Variants in CACHD1 observed in about 807,000 individuals in gnomAD.
CACHD1 encodes VWFA and cache domain-containing protein 1.
Under a neutral mutation model 138.7 loss-of-function variants are expected in CACHD1, and 71 were observed. That is an observed-to-expected ratio of 0.51 (90% CI 0.42 to 0.62). The LOEUF (loss-of-function observed/expected upper bound fraction) is 0.62. Ranked by LOEUF, CACHD1 falls within the 20% of genes least tolerant of loss-of-function variation. The pLI, the probability that CACHD1 is intolerant of heterozygous loss-of-function variation, is 0.00. For missense variants in CACHD1, 1,389 were observed against 1,625.3 expected (o/e 0.85, Z 2.50); for synonymous variants, 578 against 591.5 (o/e 0.98, Z 0.33).
chr1:64,508,857 G>T (rs1412619326), intron 1 of CACHD1, among the ~76,000 whole-genome samples: 1 of 152,064 alleles, frequency 6.6e-6, no homozygotes, highest in Non-Finnish European at 1.5e-5. Context: ...TGCCTCCCTA[G>T]TTCATCTTTT....
intron 1 of CACHD1, among the ~76,000 whole-genome samples, chr1:64,546,596 A>G (rs752860894): frequency 6.6e-6 from 1 of 152,052 alleles, no homozygotes; most frequent in Non-Finnish European, 1.5e-5. Context: ...CAGCCCCCCA[A>G]AATTCTGGGA....
rs567006297 is a variant in CACHD1, at chr1:64,649,281, C to T, written c.1390+1247C>T. Among the ~76,000 whole-genome samples the T allele has an allele frequency of 5.3e-5, 8 of 152,232 alleles. No homozygotes were observed. The South Asian group carries it at 1.2e-3, about 24-fold the overall frequency. On this transcript the variant is annotated intron_variant, in intron 9 of 26. Coordinates refer to ENST00000651257, the MANE Select transcript of CACHD1 (RefSeq NM_020925.4). ...GTGTGATCATAGTTCACTGCAGCCT[C>T]GACCTCCTGGCCTCAAGCAGTCCTC... is the stretch of plus-strand genomic sequence containing the variant.
At chr1:64,611,488 T>G (rs1292081396) in intron 4 of CACHD1, among the ~76,000 whole-genome samples, 3 of 152,252 alleles carry the variant, frequency 2.0e-5, no homozygotes, top group Non-Finnish European at 2.9e-5. Context: ...CATTGTTGCT[T>G]AGAAATTTCT....
At chr1:64,567,361 T>G (rs1396792244) in intron 2 of CACHD1, among the ~76,000 whole-genome samples, 1 of 152,106 alleles carries the variant, frequency 6.6e-6, no homozygotes, top group East Asian at 1.9e-4. Flanking sequence ...AAATTATGTA[T>G]GTGTCCCTAG....
chr1:64,570,414 AG>A (rs1281397384), intron 2 of CACHD1, among the ~76,000 whole-genome samples: 1 of 152,194 alleles, frequency 6.6e-6, no homozygotes, highest in African/African-American at 2.4e-5. Flanking sequence ...TCACTTAAGC[AG>A]CCATTAGTTT....
chr1:64,681,137 T>C lies in CACHD1; in HGVS notation c.3407-121T>C, dbSNP rs542102943. On this transcript the variant is annotated intron_variant, in intron 24 of 26. Transcript: ENST00000651257. The stretch of plus-strand genomic sequence containing the variant: ...GGCATCAGTTCATTCCCTTCTAAGA[T>C]GGGATTCATTCTTGATGGAATGCTG... 1.4e-4 allele frequency: 90 copies of C among 645,208 alleles called. No homozygotes were observed. The South Asian group carries it at 2.0e-3, about 14-fold the overall frequency. The allele number at this position is 645,208 out of a possible 1,614,324, so 40.0% of individuals were successfully genotyped here. A position where few individuals can be genotyped will look rare whatever the true frequency, so the allele number is the denominator to read the frequency against.
In CACHD1 at chr1:64,571,733, C is replaced by T. The variant is rs541537046; in HGVS notation, c.262-10423C>T. Among the ~76,000 whole-genome samples the T allele has an allele frequency of 5.1e-4, 78 of 152,290 alleles. 1 individual carries two copies. Among genetic ancestry groups the T allele is most frequent in the East Asian group, 1.9e-4 (1 of 5,184 alleles). ...CATGCTGTGGTCAGTTATCCTCTAACGGGAGGCTAGGTCAGGTTTCGTCCT... is the reference window on the plus strand; with the variant it reads ...CATGCTGTGGTCAGTTATCCTCTAATGGGAGGCTAGGTCAGGTTTCGTCCT... On this transcript the variant is annotated intron_variant, in intron 2 of 26. Transcript: ENST00000651257.
rs556677574 is a variant in CACHD1 at position 64,544,934 on chromosome 1, T to G, written c.199-5660T>G. Among the ~76,000 whole-genome samples, 19 of 152,250 alleles carry G rather than the reference T, an allele frequency of 1.2e-4. 1 individual carries two copies. The South Asian group carries it at 3.9e-3, about 32-fold the overall frequency. On this transcript the variant is annotated intron_variant, in intron 1 of 26. Transcript: ENST00000651257. ...AGAACTAAGCAATATTGTATATACT[T>G]AAAGTGTGAGGGAGCAATTAAAATG... is the stretch of plus-strand genomic sequence containing the variant.
intron 2 of CACHD1, among the ~76,000 whole-genome samples, chr1:64,567,013 A>C (rs1478586660): frequency 6.6e-6 from 1 of 152,022 alleles, no homozygotes; most frequent in East Asian, 1.9e-4. Context: ...TGGAAGTTAA[A>C]CTCCTGAGTA....
intron 7 of CACHD1, among the ~76,000 whole-genome samples, chr1:64,640,295 A>G (rs1406528693): frequency 6.6e-6 from 1 of 152,218 alleles, no homozygotes; most frequent in Admixed American, 6.5e-5. Flanking sequence ...CAACTAAAAC[A>G]CAATAACAGA....
intron 7 of CACHD1, among the ~76,000 whole-genome samples, chr1:64,640,741 T>TTATATATATATATATA (rs67605354): frequency 4.0e-5 from 6 of 149,408 alleles, no homozygotes; most frequent in African/African-American, 1.3e-4. Context: ...ACTCTCAACA[T>TTATATATATATATATA]TATATATATA....
chr1:64,475,796 C>T (rs144248702), intron 1 of CACHD1, among the ~76,000 whole-genome samples: 2,197 of 152,264 alleles, frequency 0.014, 60 homozygotes, highest in African/African-American at 0.051. Context: ...GATCCACCCG[C>T]CTCGGCCTCC....
chr1:64,612,301 A>G (rs1647561808), intron 4 of CACHD1, among the ~76,000 whole-genome samples: 1 of 152,218 alleles, frequency 6.6e-6, no homozygotes, highest in African/African-American at 2.4e-5. Context: ...CCATATATCA[A>G]TACCATTTTT....
intron 1 of CACHD1, among the ~76,000 whole-genome samples, chr1:64,484,867 C>G (rs920512383): frequency 1.3e-5 from 2 of 152,226 alleles, no homozygotes; most frequent in Non-Finnish European, 2.9e-5. Flanking sequence ...TTTTGTTTAT[C>G]CATTCATCCA....
chr1:64,623,564 T>A lies in CACHD1; in HGVS notation c.518-5791T>A, dbSNP rs140151446. Among the ~76,000 whole-genome samples, 15 of 152,272 alleles carry A rather than the reference T, an allele frequency of 9.9e-5. No individual in the cohort carries two copies. The East Asian group carries it at 2.9e-3, about 29-fold the overall frequency. ...AGAACTAGGAATCTCTGCTTTAGGA[T>A]ACAGAGATGAATCAGGTATAGATCT... On this transcript the variant is annotated intron_variant, in intron 4 of 26. Transcript: ENST00000651257.
chr1:64,562,409 CTTT>C lies in CACHD1; in HGVS notation c.261+11770_261+11772del, dbSNP rs55746551. Among the ~76,000 whole-genome samples, 1,090 of 109,760 alleles carry C rather than the reference CTTT, an allele frequency of 9.9e-3. 3 individuals are homozygous for C. The highest frequency in any genetic ancestry group is 0.019 in the East Asian group (74 of 3,864). The allele number at this position is 109,760 out of a possible 152,430, so 72.0% of individuals were successfully genotyped here. On this transcript the variant is annotated intron_variant, in intron 2 of 26. Transcript: ENST00000651257. ...GTTTATTCTTATGCTGCAGAATTTC[CTTT>C]TTTTTTTTTTTTTTTTGAGACAGAG... is the stretch of plus-strand genomic sequence containing the variant.
chr1:64,477,630 T>TTTATTTA (rs1491219704), intron 1 of CACHD1, among the ~76,000 whole-genome samples: 21 of 124,092 alleles, frequency 1.7e-4, no homozygotes, highest in African/African-American at 7.1e-4. Context: ...TATTATTTTA[T>TTTATTTA]TTTATTTTTT....
chr1:64,610,926 A>G (rs535179164), intron 4 of CACHD1, among the ~76,000 whole-genome samples: 5 of 152,276 alleles, frequency 3.3e-5, no homozygotes, highest in East Asian at 3.9e-4. Flanking sequence ...AGGTGTTTCC[A>G]TACATCCTCT....
At chr1:64,641,799 A>G in intron 7 of CACHD1, 21 bp from the exon 8 acceptor site, 1 of 1,503,632 alleles carries the variant, frequency 6.7e-7, no homozygotes, top group Non-Finnish European at 8.8e-7. Context: ...GAGAGCATTC[A>G]ATTGATGTGT....
Sources: gnomAD v4.1 joint callset for allele counts (sites outside exome capture counted in the v4.1 genomes callset) on GRCh38, gnomAD v4.1.1 for gene constraint, MANE v1.5 for transcripts, NCBI Gene and HGNC (gene_info 2026-07-23, HGNC 2026-07-21) for gene names.